The following TULP4 variants were observed in gnomAD, a reference collection of about 807,000 sequenced individuals.
TULP4 encodes tubby-related protein 4.
Under a neutral mutation model 129.0 loss-of-function variants are expected in TULP4, and 16 were observed. That is an observed-to-expected ratio of 0.12 (90% CI 0.08 to 0.19). The LOEUF (loss-of-function observed/expected upper bound fraction) is 0.19, where lower values mean the gene tolerates loss of function less well. Ranked by LOEUF, TULP4 falls within the 10% of genes least tolerant of loss-of-function variation. The pLI is 1.00. For synonymous variants in TULP4, 998 were observed against 854.0 expected, an observed-to-expected ratio of 1.17 and a Z score of -2.94; for missense variants, 1,842 against 2,059.1, an observed-to-expected ratio of 0.89 and a Z score of 2.04.
chr6:158,414,603 T>C (rs953710298), intron 2 of TULP4, among the ~76,000 whole-genome samples: 5 of 152,152 alleles, frequency 3.3e-5, no homozygotes, highest in Admixed American at 3.3e-4. Flanking sequence ...GGTAGCAGCT[T>C]TTCTTGGTTT....
At chr6:158,252,240 TG>T (rs1778154888) in intron 1 of TULP4, among the ~76,000 whole-genome samples, 1 of 152,208 alleles carries the variant, frequency 6.6e-6, no homozygotes, top group Non-Finnish European at 1.5e-5. Context: ...AAGTTTATTC[TG>T]TGTAGTCAAA....
chr6:158,337,102 T>C (rs1345038396), intron 1 of TULP4, among the ~76,000 whole-genome samples: 35 of 146,932 alleles, frequency 2.4e-4, no homozygotes, highest in Non-Finnish European at 3.6e-4. Context: ...CTCTCTCTCT[T>C]TTTTTCTCTC....
intron 1 of TULP4, among the ~76,000 whole-genome samples, chr6:158,244,082 C>T (rs9347158): frequency 0.33 from 50,001 of 151,890 alleles, 9,219 homozygotes; most frequent in Admixed American, 0.45. Context: ...TTTTAGCATA[C>T]GTGGTGTGTT....
intron 6 of TULP4, among the ~76,000 whole-genome samples, chr6:158,472,089 C>T (rs999338907): frequency 6.6e-6 from 1 of 152,202 alleles, no homozygotes; most frequent in Non-Finnish European, 1.5e-5. Flanking sequence ...AGCTCAGTCA[C>T]GTTTTCTTTT....
intron 8 of TULP4, among the ~76,000 whole-genome samples, chr6:158,485,821 A>G (rs1780052723): frequency 6.6e-6 from 1 of 152,226 alleles, no homozygotes. Flanking sequence ...ACCTGTCACC[A>G]CTTTCGTACT....
At chr6:158,270,532 A>G (rs1289062664) in intron 1 of TULP4, among the ~76,000 whole-genome samples, 2 of 152,108 alleles carry the variant, frequency 1.3e-5, no homozygotes, top group African/African-American at 4.8e-5. Flanking sequence ...GTGGGCACTC[A>G]CTAAGTGTCT....
Position 158,424,467 on chromosome 6 carries a change from C to T in TULP4, c.382-5269C>T, listed in dbSNP as rs538981673. 5.3e-4 allele frequency among the ~76,000 whole-genome samples: 81 copies of T among 152,166 alleles called. 1 individual carries two copies. Among genetic ancestry groups the T allele is most frequent in the African/African-American group, 1.7e-3 (71 of 41,530 alleles). On this transcript the variant is annotated intron_variant, in intron 2 of 13. Coordinates refer to ENST00000367097, the MANE Select transcript of TULP4 (RefSeq NM_020245.5). ...GTTTCACCATGTTGGACAGGCTGGT[C>T]TTGAACTCCTGACCTCAAGTGATCT...
chr6:158,475,198 C>T lies in TULP4; in HGVS notation c.1027-4553C>T, dbSNP rs996355345. Reference sequence around the variant, plus strand: ...GGGCTGGCCCGCATCTTTTCCTTTCCGGGGCTCAGCCTCAGCATTGAGGGG... The same window carrying T: ...GGGCTGGCCCGCATCTTTTCCTTTCTGGGGCTCAGCCTCAGCATTGAGGGG... On this transcript the variant is annotated intron_variant, in intron 6 of 13. Coordinates refer to ENST00000367097, the MANE Select transcript of TULP4 (RefSeq NM_020245.5). Among the ~76,000 whole-genome samples, 5 of 152,306 alleles carry T rather than the reference C, an allele frequency of 3.3e-5. No individual in the cohort carries two copies. In the East Asian group the frequency reaches 7.7e-4, roughly 24 times the overall value.
chr6:158,505,830 C>T (rs1780587709), intron 13 of TULP4, among the ~76,000 whole-genome samples: 1 of 151,832 alleles, frequency 6.6e-6, no homozygotes, highest in Non-Finnish European at 1.5e-5. Flanking sequence ...GAAGAAACCA[C>T]TTCATTTGGC....
intron 1 of TULP4, among the ~76,000 whole-genome samples, chr6:158,235,194 A>G (rs1777666585): frequency 6.6e-6 from 1 of 151,960 alleles, no homozygotes; most frequent in South Asian, 2.1e-4. Context: ...AAAAAAAAAA[A>G]ACTTAAATTT....
At chr6:158,273,134 C>T (rs1325953618) in intron 1 of TULP4, among the ~76,000 whole-genome samples, 5 of 152,148 alleles carry the variant, frequency 3.3e-5, no homozygotes, top group Non-Finnish European at 7.3e-5. Flanking sequence ...TTCACACAGA[C>T]AGTGTTGCCA....
intron 4 of TULP4, among the ~76,000 whole-genome samples, chr6:158,450,833 G>T (rs1479555491): frequency 2.6e-5 from 4 of 151,978 alleles, no homozygotes; most frequent in Admixed American, 2.6e-4. Flanking sequence ...GAGGCGGGTG[G>T]ATCATGAGGT....
intron 5 of TULP4, 110 bp from the exon 6 acceptor site, chr6:158,461,453 T>G (rs997572315): frequency 9.9e-6 from 10 of 1,012,988 alleles, no homozygotes; most frequent in Non-Finnish European, 1.3e-5. Context: ...ATATTTTTGT[T>G]GTATTTGCTC....
At chr6:158,321,635 C>A (rs1368669506) in intron 1 of TULP4, among the ~76,000 whole-genome samples, 1 of 152,142 alleles carries the variant, frequency 6.6e-6, no homozygotes, top group Non-Finnish European at 1.5e-5. Context: ...CAGGAATCTC[C>A]CTGCGCTTCC....
chr6:158,302,915 G>A (rs1779155125), intron 1 of TULP4, among the ~76,000 whole-genome samples: 1 of 151,722 alleles, frequency 6.6e-6, no homozygotes, highest in Non-Finnish European at 1.5e-5. Context: ...GCCAGTGCAA[G>A]GCAAGATAAA....
chr6:158,436,981 T>G (rs1778768002), intron 3 of TULP4, among the ~76,000 whole-genome samples: 1 of 152,108 alleles, frequency 6.6e-6, no homozygotes. Flanking sequence ...CCCTGTGTAG[T>G]CTGTTGTGTG....
intron 1 of TULP4, among the ~76,000 whole-genome samples, chr6:158,331,003 G>T (rs567687071): frequency 6.6e-6 from 1 of 152,142 alleles, no homozygotes; most frequent in Non-Finnish European, 1.5e-5. Context: ...ATGTGGAGGT[G>T]CACAGTAGCT....
At chr6:158,349,050 T>C (rs866541338) in intron 1 of TULP4, among the ~76,000 whole-genome samples, 52 of 32,446 alleles carry the variant, frequency 1.6e-3, no homozygotes, top group South Asian at 3.2e-3. Context: ...CGCTCCTCAC[T>C]TCCCAGACGG....
Position 158,503,767 on chromosome 6 carries a change from T to G in TULP4, c.4104T>G (p.Phe1368Leu). 1 of 1,613,954 alleles carries G rather than the reference T, an allele frequency of 6.2e-7. No homozygotes were observed. Among genetic ancestry groups the G allele is most frequent in the East Asian group, 2.2e-5 (1 of 44,900 alleles). Residue 1368 changes from phenylalanine to leucine, a missense_variant, in exon 13 of 14, where the codon TTT becomes TTG. Phe to Leu is a conservative substitution (Grantham distance 22, BLOSUM62 0). Transcript: ENST00000367097. This position sits in a 1 kb window ranked among gnomAD's most constrained non-coding sequence, Gnocchi z 4.3. Reference protein sequence around the residue: ...VKKEARTLSDFNSLISSPHLG... With the variant: ...VKKEARTLSDLNSLISSPHLG... Reference sequence around the variant, plus strand: ...AGGAGGCTAGGACTTTGAGTGACTTTAATTCCCTAATCTCCAGCCCACACC... The same window carrying G: ...AGGAGGCTAGGACTTTGAGTGACTTGAATTCCCTAATCTCCAGCCCACACC...
Sources: gnomAD v4.1 joint callset for allele counts (sites outside exome capture counted in the v4.1 genomes callset) on GRCh38, gnomAD v4.1.1 for gene constraint, Gnocchi (gnomAD v3.1) non-coding constraint, MANE v1.5 for transcripts, NCBI Gene and HGNC (gene_info 2026-07-23, HGNC 2026-07-21) for gene names.